DGKE: variants seen among roughly 807,000 people sequenced by gnomAD.
DGKE encodes diacylglycerol kinase epsilon.
A neutral mutation model predicts 70.0 loss-of-function variants in DGKE; 53 were observed. The ratio of observed to expected loss-of-function variants is 0.76; its 90% confidence interval spans 0.61 to 0.95. The LOEUF is 0.95. Among genes scored for constraint, DGKE ranks in the 40% least tolerant of loss-of-function variants. DGKE has a pLI of 0.00. For synonymous variants in DGKE, 291 were observed against 257.0 expected (o/e 1.13, Z -1.27); for missense variants, 655 against 706.9 (o/e 0.93, Z 0.83).
At chr17:56,849,055 G>C (rs1449366173) in intron 6 of DGKE, 126 bp from the exon 7 acceptor site, 2 of 1,188,112 alleles carry the variant, frequency 1.7e-6, no homozygotes, top group Non-Finnish European at 1.2e-6. Context: ...CCCTAAATTT[G>C]CATGCTCATA....
chr17:56,837,333 C>A (rs1037736131), intron 2 of DGKE, among the ~76,000 whole-genome samples: 1 of 152,122 alleles, frequency 6.6e-6, no homozygotes, highest in East Asian at 1.9e-4. Flanking sequence ...TGGAGAACCA[C>A]TGCTATATTT....
At chr17:56,853,924 T>G (rs1300666187) in intron 7 of DGKE, among the ~76,000 whole-genome samples, 1 of 151,262 alleles carries the variant, frequency 6.6e-6, no homozygotes, top group African/African-American at 2.4e-5. Flanking sequence ...TGCCCATCAG[T>G]GAATGAATGG....
intron 7 of DGKE, 138 bp from the exon 8 acceptor site, chr17:56,856,374 A>G: frequency 1.1e-6 from 1 of 943,926 alleles, no homozygotes; most frequent in Non-Finnish European, 1.6e-6. Context: ...ACTGGACAGT[A>G]TAAAATAGCC....
At position 56,835,106 on chromosome 17, in the gene DGKE, A is replaced by G. The variant is rs200324699; in HGVS notation, c.311A>G (p.Lys104Arg). 7.4e-6 allele frequency: 12 copies of G among 1,613,892 alleles called. No homozygotes were observed. The African/African-American group carries it at 9.3e-5, about 13-fold the overall frequency. Residue 104 changes from lysine to arginine, a missense_variant, in exon 2 of 12, where the codon AAG (lysine) becomes AGG (arginine). By Grantham distance (26) the Lys-to-Arg change is conservative. Coordinates refer to ENST00000284061, the MANE Select transcript of DGKE (RefSeq NM_003647.3). Reference protein sequence around the residue: ...VDEGCLRKADKRFQCKEIMLK... With the variant: ...VDEGCLRKADRRFQCKEIMLK... ...GAGGGCTGCCTCAGGAAGGCCGACA[A>G]GCGCTTCCAGTGCAAGGAGATTATG...
intron 10 of DGKE, 101 bp from the exon 11 acceptor site, chr17:56,862,039 T>C: frequency 1.3e-6 from 2 of 1,527,292 alleles, no homozygotes; most frequent in Non-Finnish European, 1.8e-6. Flanking sequence ...GTTATAAATA[T>C]TTTTTAAGTT....
chr17:56,854,933 C>T (rs1907856315), intron 7 of DGKE, among the ~76,000 whole-genome samples: 1 of 152,122 alleles, frequency 6.6e-6, no homozygotes, highest in Admixed American at 6.5e-5. Context: ...TATAGAAGAA[C>T]ATCCAAACAA....
chr17:56,856,265 TG>T (rs1348054659), intron 7 of DGKE, among the ~76,000 whole-genome samples: 15 of 151,886 alleles, frequency 9.9e-5, no homozygotes, highest in Middle Eastern at 3.4e-3. Context: ...CCATTCTAGA[TG>T]GTAAGGTCTG....
chr17:56,862,084 G>C (rs920061717), intron 10 of DGKE, 56 bp from the exon 11 acceptor site: 1 of 1,588,772 alleles, frequency 6.3e-7, no homozygotes, highest in Non-Finnish European at 8.6e-7. Flanking sequence ...AATTGCTCTA[G>C]CATAACTGAT....
intron 4 of DGKE, 45 bp downstream of exon 4, chr17:56,845,854 C>G (rs752359599): frequency 2.0e-6 from 3 of 1,526,138 alleles, no homozygotes; most frequent in Non-Finnish European, 2.6e-6. Flanking sequence ...TTCATTTTCC[C>G]CAAAATGCAA....
intron 9 of DGKE, among the ~76,000 whole-genome samples, chr17:56,859,965 A>T (rs1908195056): frequency 6.6e-6 from 1 of 152,344 alleles, no homozygotes; most frequent in South Asian, 2.1e-4. Context: ...CATGGCGTAG[A>T]AGTAAGCAAG....
intron 2 of DGKE, 42 bp downstream of exon 2, chr17:56,835,301 G>T (rs377695357): frequency 1.3e-6 from 2 of 1,558,868 alleles, no homozygotes. Context: ...AATGCGCCGT[G>T]GGAATCAGGA....
rs894170166 is a variant in DGKE at position 56,862,919 on chromosome 17, C to A, written c.*128C>A. On this transcript the variant is annotated 3_prime_UTR_variant, in exon 12 of 12. Coordinates refer to ENST00000284061, the MANE Select transcript of DGKE (RefSeq NM_003647.3). The stretch of plus-strand genomic sequence containing the variant: ...TTTCACTAGTAGTATAATGGGTATA[C>A]ATTTTTGTAAATAGCATCCCCAAAC... 2.4e-5 allele frequency: 18 copies of A among 745,724 alleles called. No individual in the cohort carries two copies. The South Asian group carries it at 9.2e-4, about 38-fold the overall frequency. The allele number at this position is 745,724 out of a possible 1,614,324, so 46.2% of individuals were successfully genotyped here.
rs1227124891 is a variant in DGKE, at chr17:56,834,802, G to C, written c.7G>C (p.Ala3Pro). The stretch of plus-strand genomic sequence containing the variant: ...GGTATCGTCCTTGGAGAAGATGGAA[G>C]CGGAGAGGCGGCCGGCGCCGGGCTC... ME[A>P]ERRPAPGSPS... Residue 3 changes from alanine to proline, a missense_variant, in exon 2 of 12, where the codon GCG (alanine) becomes CCG (proline). Physicochemically the swap from Ala to Pro is conservative, Grantham distance 27. Coordinates refer to ENST00000284061, the MANE Select transcript of DGKE (RefSeq NM_003647.3). 1 of 1,600,972 alleles carries C rather than the reference G, an allele frequency of 6.2e-7. No individual in the cohort carries two copies. Among genetic ancestry groups the C allele is most frequent in the Non-Finnish European group, 8.5e-7 (1 of 1,174,556 alleles).
intron 7 of DGKE, among the ~76,000 whole-genome samples, chr17:56,855,216 G>T (rs1276982075): frequency 6.6e-6 from 1 of 151,748 alleles, no homozygotes; most frequent in Non-Finnish European, 1.5e-5. Flanking sequence ...GAACAACTAG[G>T]ATTGAAAATT....
intron 3 of DGKE, among the ~76,000 whole-genome samples, chr17:56,844,526 T>C (rs150681868): frequency 7.9e-5 from 12 of 152,186 alleles, no homozygotes; most frequent in Non-Finnish European, 1.5e-4. Flanking sequence ...CCATATTTGA[T>C]TTAGTAGGTA....
In DGKE at chr17:56,862,775, T is replaced by A; in HGVS notation, c.1688T>A (p.Ile563Lys). The A allele has an allele frequency of 6.3e-7, 1 of 1,578,720 alleles. No individual in the cohort carries two copies. The highest frequency in any genetic ancestry group is 2.3e-5 in the East Asian group (1 of 44,078). The change falls in exon 12 of 12, where the codon ATA becomes AAA. Residue 563 changes from isoleucine to lysine, a missense_variant. By Grantham distance (102) the Ile-to-Lys change is moderately radical (BLOSUM62 -3). Coordinates refer to ENST00000284061, the MANE Select transcript of DGKE (RefSeq NM_003647.3). The part of the protein sequence containing the change: ...DISSTSDQED[I>K]KATE ...TCTAGTACTTCGGATCAAGAAGATA[T>A]AAAGGCGACTGAATAGATGGATGAG...
rs547304654 is a variant in DGKE at position 56,862,781 on chromosome 17, C to T, written c.1694C>T (p.Ala565Val). Residue 565 changes from alanine to valine, a missense_variant, in exon 12 of 12, where the codon GCG becomes GTG. Coordinates refer to ENST00000284061, the MANE Select transcript of DGKE (RefSeq NM_003647.3). ...ACTTCGGATCAAGAAGATATAAAGG[C>T]GACTGAATAGATGGATGAGGGAGTG... ...SSTSDQEDIK[A>V]TE The T allele has an allele frequency of 1.4e-5, 22 of 1,568,820 alleles. No individual in the cohort carries two copies. Among genetic ancestry groups the T allele is most frequent in the East Asian group, 6.9e-5 (3 of 43,630 alleles).
chr17:56,848,238 A>G (rs560539033), intron 5 of DGKE, among the ~76,000 whole-genome samples, 173 bp downstream of exon 5: 3 of 151,768 alleles, frequency 2.0e-5, no homozygotes, highest in African/African-American at 4.8e-5. Flanking sequence ...GCTAACTGCA[A>G]CCTCCATTTC....
At chr17:56,856,317 A>G (rs369050084) in intron 7 of DGKE, among the ~76,000 whole-genome samples, 195 bp from the exon 8 acceptor site, 8 of 152,216 alleles carry the variant, frequency 5.3e-5, no homozygotes, top group Admixed American at 3.9e-4. Flanking sequence ...TGAGATTCAC[A>G]TCTGTAGTTA....
Sources: gnomAD v4.1 joint callset for allele counts (sites outside exome capture counted in the v4.1 genomes callset) on GRCh38, gnomAD v4.1.1 for gene constraint, MANE v1.5 for transcripts, NCBI Gene and HGNC (gene_info 2026-07-23, HGNC 2026-07-21) for gene names.